Variants in POLA1 observed in about 807,000 individuals in gnomAD.
POLA1 encodes the protein DNA polymerase alpha 1, catalytic subunit.
In POLA1, 15 loss-of-function variants were observed where a neutral mutation model predicts 124.0. The ratio of observed to expected loss-of-function variants is 0.12; its 90% CI spans 0.08 to 0.19. The LOEUF (loss-of-function observed/expected upper bound fraction) is 0.19. Among genes scored for constraint, POLA1 ranks in the 10% least tolerant of loss-of-function variants. The probability of loss-of-function intolerance (pLI) is 1.00; values close to 1 mark genes in which losing one functional copy is unlikely to be tolerated. For missense variants in POLA1, 886 were observed against 1,103.4 expected (o/e 0.80, Z 2.79); for synonymous variants, 408 against 389.4 (o/e 1.05, Z -0.56).
chrX:24,773,948 A>G (rs369517579), intron 26 of POLA1, among the ~76,000 whole-genome samples: 2 of 112,126 alleles, frequency 1.8e-5, no homozygotes, highest in African/African-American at 6.5e-5. Context: ...TCTACCAATT[A>G]GCTCTACTCA....
At chrX:24,880,134 T>G (rs1365058583) in intron 34 of POLA1, among the ~76,000 whole-genome samples, 2 of 111,901 alleles carry the variant, frequency 1.8e-5, no homozygotes, top group Non-Finnish European at 3.8e-5. Flanking sequence ...TGCTATTCTG[T>G]GTGTTTAAAT....
At chrX:24,947,787 A>G (rs1031380035) in intron 36 of POLA1, among the ~76,000 whole-genome samples, 8 of 112,270 alleles carry the variant, frequency 7.1e-5, no homozygotes, top group Non-Finnish European at 9.4e-5. Flanking sequence ...CACACGTATT[A>G]ATGGCAATGT....
chrX:24,704,570 A>G, intron 4 of POLA1, 101 bp downstream of exon 4: 1 of 532,412 alleles, frequency 1.9e-6, no homozygotes, highest in Non-Finnish European at 3.3e-6. Flanking sequence ...TGAGAGAAGG[A>G]CCTAACTACC....
intron 34 of POLA1, among the ~76,000 whole-genome samples, chrX:24,858,284 A>AGG (rs1279051079): frequency 8.9e-6 from 1 of 111,946 alleles, no homozygotes; most frequent in Non-Finnish European, 1.9e-5. Context: ...AACCTAGGTG[A>AGG]GGAGTAGTGT....
chrX:24,792,003 C>G (rs1188708688), intron 26 of POLA1, among the ~76,000 whole-genome samples: 4 of 112,038 alleles, frequency 3.6e-5, no homozygotes, highest in African/African-American at 9.7e-5. Context: ...GGTTTTGGGA[C>G]TACTTGGGTG....
intron 26 of POLA1, among the ~76,000 whole-genome samples, chrX:24,785,556 T>G (rs2045346359): frequency 8.9e-6 from 1 of 112,652 alleles, no homozygotes; most frequent in African/African-American, 3.2e-5. Flanking sequence ...CTGGCAGTTG[T>G]TACATTAGTG....
At chrX:24,959,978 G>C (rs898479105) in intron 36 of POLA1, among the ~76,000 whole-genome samples, 4 of 111,535 alleles carry the variant, frequency 3.6e-5, no homozygotes, top group African/African-American at 1.3e-4. Context: ...GAAAAACAAA[G>C]TCCCTGAGCT....
chrX:24,957,871 A>G (rs768565333), intron 36 of POLA1, among the ~76,000 whole-genome samples: 1 of 109,841 alleles, frequency 9.1e-6, no homozygotes, highest in South Asian at 4.2e-4. Flanking sequence ...ACGCGAGGAA[A>G]GTAGTTGGAA....
At chrX:24,739,936 C>A (rs1931532243) in intron 20 of POLA1, among the ~76,000 whole-genome samples, 1 of 111,678 alleles carries the variant, frequency 9.0e-6, no homozygotes, top group African/African-American at 3.3e-5. Context: ...CCTGCTAGTT[C>A]TTCCTGAGTT....
chrX:24,714,195 T>G (rs1056582302), intron 4 of POLA1, among the ~76,000 whole-genome samples: 1 of 112,187 alleles, frequency 8.9e-6, no homozygotes, highest in Non-Finnish European at 1.9e-5. Flanking sequence ...TCTTGCTCTG[T>G]CGCCCAGGCT....
At chrX:24,768,341 G>A (rs775952582) in intron 26 of POLA1, among the ~76,000 whole-genome samples, 1 of 112,015 alleles carries the variant, frequency 8.9e-6, no homozygotes, top group South Asian at 3.7e-4. Flanking sequence ...AGCAAGGGTG[G>A]TAAGATGGGG....
At position 24,748,883 on chromosome X, in the gene POLA1, A is replaced by C; in HGVS notation, c.2855A>C (p.Gln952Pro). Residue 952 changes from glutamine to proline, a missense_variant, in exon 26 of 37, where the codon CAG becomes CCG. By Grantham distance (76) the Gln-to-Pro change is moderately conservative (BLOSUM62 -1). This residue lies in a region of POLA1 where 182 missense variants were observed against 252.8 expected (regional missense o/e 0.72). Transcript: ENST00000379068. ...PDLILQYDIR[Q>P]KALKLTANSM... ...TGTGGCCTGCAGTATGACATTCGAC[A>C]GAAGGCTTTGAAGCTCACAGCGAAC... 1 of 1,209,951 alleles carries C rather than the reference A, an allele frequency of 8.3e-7. No individual in the cohort carries two copies.
chrX:24,768,379 G>A (rs1373978167), intron 26 of POLA1, among the ~76,000 whole-genome samples: 2 of 111,885 alleles, frequency 1.8e-5, no homozygotes, highest in Non-Finnish European at 3.8e-5. Flanking sequence ...TCTGTCGTAT[G>A]TATTTTGTGG....
chrX:24,945,156 T>C (rs1484148511), intron 36 of POLA1, among the ~76,000 whole-genome samples: 2 of 112,802 alleles, frequency 1.8e-5, no homozygotes, highest in African/African-American at 3.2e-5. Flanking sequence ...TAGGCTAATA[T>C]GTAAAACGTC....
intron 1 of POLA1, among the ~76,000 whole-genome samples, chrX:24,695,478 T>C (rs1004083041): frequency 9.1e-6 from 1 of 110,462 alleles, no homozygotes; most frequent in African/African-American, 3.3e-5. Flanking sequence ...CAGGGAATTT[T>C]TATTTATTTA....
At chrX:24,890,332 T>A (rs1387901802) in intron 35 of POLA1, among the ~76,000 whole-genome samples, 1 of 110,999 alleles carries the variant, frequency 9.0e-6, no homozygotes, top group Non-Finnish European at 1.9e-5. Context: ...GTGATCCACC[T>A]GTCTCGGCCT....
At chrX:24,831,577 C>T (rs1312694251) in intron 32 of POLA1, among the ~76,000 whole-genome samples, 5 of 109,834 alleles carry the variant, frequency 4.6e-5, no homozygotes, top group Admixed American at 1.9e-4. Flanking sequence ...TGTGCCACCA[C>T]ACCTGGCTAA....
chrX:24,754,811 G>C (rs1323180381), intron 26 of POLA1, among the ~76,000 whole-genome samples: 1 of 111,940 alleles, frequency 8.9e-6, no homozygotes, highest in Non-Finnish European at 1.9e-5. Context: ...GTTTGGAAAA[G>C]CAGGAGAAAA....
At chrX:24,897,851 T>C (rs2047228435) in intron 35 of POLA1, among the ~76,000 whole-genome samples, 1 of 112,384 alleles carries the variant, frequency 8.9e-6, no homozygotes, top group Non-Finnish European at 1.9e-5. Context: ...CCCTTTTGAG[T>C]TGGCAGCTTA....
Sources: allele counts gnomAD v4.1 joint callset (sites outside exome capture counted in the v4.1 genomes callset), GRCh38; gene constraint gnomAD v4.1.1; regional missense constraint gnomAD v4.1.1; transcripts MANE v1.5; gene names NCBI Gene and HGNC (gene_info 2026-07-23, HGNC 2026-07-21).